The following KAZN variants were observed in gnomAD, a reference collection of about 807,000 sequenced individuals.
KAZN encodes kazrin, periplakin interacting protein.
In KAZN, 40 loss-of-function variants were observed where a neutral mutation model predicts 87.4. That is an observed-to-expected ratio of 0.46 (90% confidence interval 0.36 to 0.60). The LOEUF is 0.60. Ranked by LOEUF, KAZN falls within the 20% of genes least tolerant of loss-of-function variation. The pLI, the probability that KAZN is intolerant of heterozygous loss-of-function variation, is 0.00. For synonymous variants in KAZN, 466 were observed against 458.3 expected (o/e 1.02, Z -0.22); for missense variants, 898 against 1,073.9 (o/e 0.84, Z 2.29).
chr1:14,449,417 C>T (rs895849287), intron 2 of KAZN, among the ~76,000 whole-genome samples: 4 of 152,198 alleles, frequency 2.6e-5, no homozygotes, highest in Non-Finnish European at 5.9e-5. Flanking sequence ...TTTGCCATCA[C>T]CCTCAGAAAC....
chr1:14,011,137 A>G (rs2101190812), intron 1 of KAZN, among the ~76,000 whole-genome samples: 1 of 152,312 alleles, frequency 6.6e-6, no homozygotes, highest in Non-Finnish European at 1.5e-5. Flanking sequence ...TTGGGTAGAT[A>G]TGAGATGTGC....
chr1:14,419,767 T>C (rs1474670406), intron 2 of KAZN, among the ~76,000 whole-genome samples: 1 of 152,010 alleles, frequency 6.6e-6, no homozygotes, highest in Non-Finnish European at 1.5e-5. Flanking sequence ...CGTCTGGTGT[T>C]GTTTGTCCCT....
intron 8 of KAZN, among the ~76,000 whole-genome samples, chr1:15,084,934 A>G (rs1196283581): frequency 6.6e-6 from 1 of 152,256 alleles, no homozygotes; most frequent in African/African-American, 2.4e-5. Context: ...AATACTATGC[A>G]TAAAATACTT....
chr1:14,314,276 T>C (rs890780586), intron 2 of KAZN, among the ~76,000 whole-genome samples: 1 of 152,208 alleles, frequency 6.6e-6, no homozygotes, highest in Non-Finnish European at 1.5e-5. Context: ...TGTGGTCATC[T>C]TGCAGTTAGA....
intron 2 of KAZN, among the ~76,000 whole-genome samples, chr1:14,403,941 G>GC (rs750704139): frequency 7.2e-6 from 1 of 138,800 alleles, no homozygotes; most frequent in Non-Finnish European, 1.6e-5. Flanking sequence ...GCGCAGAGAG[G>GC]TCCCGGAGAA....
intron 2 of KAZN, among the ~76,000 whole-genome samples, chr1:14,261,901 G>A (rs569890579): frequency 3.3e-5 from 5 of 152,216 alleles, no homozygotes; most frequent in South Asian, 4.1e-4. Flanking sequence ...GAGGTCATCC[G>A]AGACCCACTT....
In KAZN at chr1:14,827,952, T is replaced by C. The variant is rs566860828; in HGVS notation, c.227-132732T>C. Among the ~76,000 whole-genome samples the C allele has an allele frequency of 4.3e-4, 66 of 152,226 alleles. 1 individual carries two copies. Among genetic ancestry groups the C allele is most frequent in the Admixed American group, 2.0e-3 (31 of 15,282 alleles). On this transcript the variant is annotated intron_variant, in intron 1 of 14. Coordinates refer to ENST00000376030, the MANE Select transcript of KAZN (RefSeq NM_201628.3). ...TTGCATAAAAGTTGGCTGTGGCCCT[T>C]CCTGTCATCTTGGGAAGACGACTAA...
chr1:14,977,870 G>A (rs1031755426), intron 2 of KAZN, among the ~76,000 whole-genome samples: 2 of 149,754 alleles, frequency 1.3e-5, no homozygotes, highest in African/African-American at 2.5e-5. Context: ...TGCACCTGCT[G>A]TGGGGTGCAC....
At chr1:14,392,834 A>G (rs1662570593) in intron 2 of KAZN, among the ~76,000 whole-genome samples, 1 of 152,108 alleles carries the variant, frequency 6.6e-6, no homozygotes, top group African/African-American at 2.4e-5. Context: ...TGTAATTCTC[A>G]TGGTGATTCT....
At chr1:14,440,222 C>G (rs1368131276) in intron 2 of KAZN, among the ~76,000 whole-genome samples, 1 of 152,168 alleles carries the variant, frequency 6.6e-6, no homozygotes, top group Non-Finnish European at 1.5e-5. Flanking sequence ...ATGACTTTGA[C>G]AAATGCTAAC....
intron 1 of KAZN, among the ~76,000 whole-genome samples, chr1:14,166,102 G>T (rs1206565848): frequency 6.6e-6 from 1 of 152,158 alleles, no homozygotes; most frequent in Non-Finnish European, 1.5e-5. Flanking sequence ...ATCACCTGAG[G>T]TCAGAAATTT....
At chr1:14,828,692 T>C (rs1456119262) in intron 1 of KAZN, among the ~76,000 whole-genome samples, 1 of 152,066 alleles carries the variant, frequency 6.6e-6, no homozygotes, top group Admixed American at 6.5e-5. Context: ...TTAAACTATG[T>C]TTTTTTCCCC....
rs536407605 is a variant in KAZN at position 14,325,584 on chromosome 1, A to G, written c.249+144992A>G. 1.2e-4 allele frequency among the ~76,000 whole-genome samples: 19 copies of G among 152,334 alleles called. No homozygotes were observed. In the South Asian group the frequency reaches 3.9e-3, roughly 32 times the overall value. On this transcript the variant is annotated intron_variant, in intron 2 of 16. Transcript: ENST00000636203. ...AAAAGAATATTCAAAAAAATGGTCA[A>G]AAGTTTCCATATTTGGTAAAATATA...
At chr1:14,840,833 C>A (rs1357563880) in intron 1 of KAZN, among the ~76,000 whole-genome samples, 1 of 152,148 alleles carries the variant, frequency 6.6e-6, no homozygotes, top group East Asian at 1.9e-4. Context: ...TGCATGCCTA[C>A]CATGTGCCAG....
chr1:14,546,284 G>A (rs946624001), intron 2 of KAZN, among the ~76,000 whole-genome samples: 3 of 152,148 alleles, frequency 2.0e-5, no homozygotes, highest in Non-Finnish European at 2.9e-5. Context: ...TTTCAGTCGG[G>A]TTGTATGACA....
intron 2 of KAZN, among the ~76,000 whole-genome samples, chr1:14,449,310 T>G (rs1280685972): frequency 6.6e-6 from 1 of 152,210 alleles, no homozygotes; most frequent in African/African-American, 2.4e-5. Context: ...CATCCTGGAT[T>G]CCTCTCCTTG....
chr1:14,929,399 C>T (rs756068687), intron 1 of KAZN, among the ~76,000 whole-genome samples: 26 of 152,158 alleles, frequency 1.7e-4, no homozygotes, highest in Non-Finnish European at 3.2e-4. Context: ...CTTTGTAATA[C>T]TCCAGTTGAG....
intron 2 of KAZN, among the ~76,000 whole-genome samples, chr1:14,428,110 T>C (rs1665843017): frequency 6.6e-6 from 1 of 152,226 alleles, no homozygotes; most frequent in Non-Finnish European, 1.5e-5. Flanking sequence ...ATGCTGTACA[T>C]GGTAGCTCAT....
chr1:14,796,189 C>T (rs1017245956), intron 1 of KAZN, among the ~76,000 whole-genome samples: 1 of 152,144 alleles, frequency 6.6e-6, no homozygotes, highest in Non-Finnish European at 1.5e-5. Context: ...ATGTGTAATC[C>T]CACAGATAAG....
Sources: gnomAD v4.1 joint callset for allele counts (sites outside exome capture counted in the v4.1 genomes callset) on GRCh38, gnomAD v4.1.1 for gene constraint, MANE v1.5 for transcripts, NCBI Gene and HGNC (gene_info 2026-07-23, HGNC 2026-07-21) for gene names.